The following CSPP1 variants were observed in gnomAD, a reference collection of about 807,000 sequenced individuals.
CSPP1 encodes centrosome and spindle pole associated protein 1.
In CSPP1, 126 loss-of-function variants were observed where a neutral mutation model predicts 164.4. The observed-to-expected ratio is 0.77, with a 90% CI of 0.66 to 0.89. The LOEUF (loss-of-function observed/expected upper bound fraction) is 0.89, where lower values mean the gene tolerates loss of function less well. Among genes scored for constraint, CSPP1 ranks in the 40% least tolerant of loss-of-function variants. The pLI is 0.00. For synonymous variants in CSPP1, 472 were observed against 476.7 expected (o/e 0.99, Z 0.13); for missense variants, 1,395 against 1,449.8 (o/e 0.96, Z 0.61).
chr8:67,175,064 G>A, intron 25 of CSPP1: 2 of 455,606 alleles, frequency 4.4e-6, no homozygotes, highest in East Asian at 8.6e-5. Context: ...CTTGTTCTGG[G>A]GTATTCCTTA....
rs1420441915 is a variant in CSPP1, at chr8:67,076,560, C to T, written c.178C>T (p.Gln60Ter). The T allele has an allele frequency of 6.3e-7, 1 of 1,596,146 alleles. No individual in the cohort carries two copies. The highest frequency in any genetic ancestry group is 8.5e-7 in the Non-Finnish European group (1 of 1,170,404). Residue 60 changes from glutamine (Q) to a stop codon, truncating the protein, a stop_gained, in exon 3 of 31, where the codon CAA becomes TAA. Coordinates refer to ENST00000678616, the MANE Select transcript of CSPP1 (RefSeq NM_001382391.1). LOFTEE classifies it high-confidence loss of function. ...TAAGGAAAACATACCACCAAATAGT[C>T]AACAGACCAGGGGTTCCTTAGGTAT... is the stretch of plus-strand genomic sequence containing the variant. ...MAKENIPPNS[Q>*]QTRGSLGIDY...
At chr8:67,192,688 G>A (rs1465966849) in intron 29 of CSPP1, among the ~76,000 whole-genome samples, 1 of 152,188 alleles carries the variant, frequency 6.6e-6, no homozygotes, top group East Asian at 1.9e-4. Flanking sequence ...TTTTTGCACA[G>A]GGTGTGAGGT....
intron 19 of CSPP1, among the ~76,000 whole-genome samples, chr8:67,154,393 T>C (rs1409854735): frequency 6.6e-6 from 1 of 152,034 alleles, no homozygotes; most frequent in African/African-American, 2.4e-5. Context: ...TGAGACGGAG[T>C]CTTGCTCTGT....
At position 67,074,333 on chromosome 8, in the gene CSPP1, A is replaced by G. The variant is rs1271272185; in HGVS notation, c.81A>G (p.Pro27=). ...AEDKAELESD[P]PYMEMKGKLS... ...ACAAAGCAGAGTTGGAAAGTGATCC[A>G]CCTTACATGGAAATGAAGGTAAATT... Residue 27 remains proline, a synonymous_variant, in exon 2 of 31, where the codon CCA becomes CCG. Coordinates refer to ENST00000678616, the MANE Select transcript of CSPP1 (RefSeq NM_001382391.1). The G allele has an allele frequency of 1.2e-6, 2 of 1,600,350 alleles. No homozygotes were observed. The highest frequency in any genetic ancestry group is 1.3e-5 in the African/African-American group (1 of 74,366).
At chr8:67,080,771 G>C (rs1233685616) in intron 3 of CSPP1, 1 of 152,296 alleles carries the variant, frequency 6.6e-6, no homozygotes, top group East Asian at 1.9e-4. Context: ...AGACACATAG[G>C]GTAAGGTCTG....
chr8:67,141,976 T>A (rs1823605761), intron 17 of CSPP1, among the ~76,000 whole-genome samples: 1 of 152,198 alleles, frequency 6.6e-6, no homozygotes, highest in Non-Finnish European at 1.5e-5. Flanking sequence ...GATCTTTTAT[T>A]CCAAAGAAAT....
At chr8:67,070,791 A>G (rs1467783088) in intron 1 of CSPP1, among the ~76,000 whole-genome samples, 1 of 151,070 alleles carries the variant, frequency 6.6e-6, no homozygotes, top group Non-Finnish European at 1.5e-5. Context: ...TCTGTTGCCC[A>G]GGCTGGAGTA....
At chr8:67,071,806 A>G (rs1022199241) in intron 1 of CSPP1, among the ~76,000 whole-genome samples, 2 of 152,210 alleles carry the variant, frequency 1.3e-5, no homozygotes, top group Non-Finnish European at 2.9e-5. Context: ...AAATGAAGAA[A>G]GGTTAGTCTT....
chr8:67,116,860 TG>T (rs1478940242), intron 13 of CSPP1, among the ~76,000 whole-genome samples: 1 of 152,212 alleles, frequency 6.6e-6, no homozygotes, highest in Non-Finnish European at 1.5e-5. Flanking sequence ...TTTTCTGGAC[TG>T]TATTATTTCA....
intron 1 of CSPP1, among the ~76,000 whole-genome samples, chr8:67,067,758 C>T (rs562660830): frequency 3.9e-5 from 6 of 152,198 alleles, no homozygotes; most frequent in Admixed American, 2.0e-4. Flanking sequence ...CCACAACGCG[C>T]GGCTGCAGGC....
At chr8:67,184,943 CAAAAA>C (rs796384901) in intron 28 of CSPP1, among the ~76,000 whole-genome samples, 1 of 56,084 alleles carries the variant, frequency 1.8e-5, no homozygotes, top group Non-Finnish European at 4.1e-5. Flanking sequence ...ACTAAAAATA[CAAAAA>C]AAAAAAAAAA....
intron 25 of CSPP1, 30 bp from the exon 26 acceptor site, chr8:67,175,266 C>T (rs774977183): frequency 2.2e-5 from 34 of 1,538,228 alleles, no homozygotes; most frequent in Non-Finnish European, 2.8e-5. Flanking sequence ...CAACATTTAA[C>T]TTAGTTATAT....
At chr8:67,086,336 C>A in intron 4 of CSPP1, 1 of 557,924 alleles carries the variant, frequency 1.8e-6, no homozygotes, top group Non-Finnish European at 3.3e-6. Flanking sequence ...TTGACTAAGG[C>A]AGTGGATTCT....
chr8:67,076,827 C>A (rs1217913712), intron 3 of CSPP1, among the ~76,000 whole-genome samples: 1 of 151,922 alleles, frequency 6.6e-6, no homozygotes, highest in Non-Finnish European at 1.5e-5. Context: ...TATAACATAA[C>A]TTAAAAATTG....
intron 24 of CSPP1, 101 bp from the exon 25 acceptor site, chr8:67,172,315 T>A (rs1830632166): frequency 1.2e-6 from 1 of 842,838 alleles, no homozygotes; most frequent in Non-Finnish European, 1.9e-6. Context: ...TTTAATAATA[T>A]GATGTGGTGA....
chr8:67,100,812 G>T (rs935775243), intron 7 of CSPP1, among the ~76,000 whole-genome samples: 3 of 149,182 alleles, frequency 2.0e-5, no homozygotes, highest in Non-Finnish European at 3.0e-5. Flanking sequence ...TATAAATAAA[G>T]ATTATTTTTA....
chr8:67,119,253 A>G (rs568733038), intron 15 of CSPP1, among the ~76,000 whole-genome samples: 3 of 152,338 alleles, frequency 2.0e-5, no homozygotes, highest in African/African-American at 4.8e-5. Flanking sequence ...ATTGTATACA[A>G]CATTTTACTT....
Position 67,175,400 on chromosome 8 carries a change from A to G in CSPP1, c.3073A>G (p.Arg1025Gly). 1 of 1,614,220 alleles carries G rather than the reference A, an allele frequency of 6.2e-7. No individual in the cohort carries two copies. Among genetic ancestry groups the G allele is most frequent in the South Asian group, 1.1e-5 (1 of 91,086 alleles). Residue 1025 changes from arginine (R) to glycine (G), a missense_variant, in exon 26 of 31, where the codon AGG becomes GGG. Physicochemically the swap from Arg to Gly is moderately radical, Grantham distance 125. Transcript: ENST00000678616. ...QQALLREQQK[R>G]LNRIKMQEGA... ...AGCCCTGCTAAGAGAGCAGCAGAAG[A>G]GGCTGAACAGAATAAAAATGCAGGA...
intron 18 of CSPP1, among the ~76,000 whole-genome samples, chr8:67,151,212 A>G (rs1825630548): frequency 6.6e-6 from 1 of 152,178 alleles, no homozygotes; most frequent in Non-Finnish European, 1.5e-5. Context: ...TCTTTGTTCT[A>G]CAATATATTT....
Sources: allele counts gnomAD v4.1 joint callset (sites outside exome capture counted in the v4.1 genomes callset), GRCh38; gene constraint gnomAD v4.1.1; transcripts MANE v1.5; gene names NCBI Gene and HGNC (gene_info 2026-07-23, HGNC 2026-07-21).